ATF3: variants seen among roughly 807,000 people sequenced by gnomAD.
The protein encoded by ATF3 is activating transcription factor 3.
ATF3 carries 10 observed loss-of-function variants against 18.4 expected under a neutral mutation model. That is an observed-to-expected ratio of 0.54 (90% CI 0.34 to 0.92). ATF3 has a LOEUF of 0.92. ATF3 is among the 40% of genes least tolerant of loss of function. The pLI is 0.02. For missense variants in ATF3, 183 were observed against 222.3 expected (o/e 0.82, Z 1.12); for synonymous variants, 78 against 87.9 (o/e 0.89, Z 0.63).
At chr1:212,583,958 A>G (rs1047703145) in intron 1 of ATF3, among the ~76,000 whole-genome samples, 2 of 152,196 alleles carry the variant, frequency 1.3e-5, no homozygotes, top group Admixed American at 1.3e-4. Flanking sequence ...CCACAGATAC[A>G]GTGATGACCA....
chr1:212,599,709 A>G (rs1208313295), intron 1 of ATF3, among the ~76,000 whole-genome samples: 1 of 152,158 alleles, frequency 6.6e-6, no homozygotes, highest in Non-Finnish European at 1.5e-5. Flanking sequence ...ACTGCCTACA[A>G]TACCCAATCA....
chr1:212,617,356 A>T (rs971493672), intron 2 of ATF3, among the ~76,000 whole-genome samples: 4 of 152,250 alleles, frequency 2.6e-5, no homozygotes, highest in African/African-American at 9.6e-5. Context: ...GCTTCTGGCG[A>T]TGCCATAGTG....
intron 1 of ATF3, among the ~76,000 whole-genome samples, chr1:212,592,904 A>T (rs545524034): frequency 6.1e-4 from 93 of 152,310 alleles, no homozygotes; most frequent in Non-Finnish European, 1.1e-3. Flanking sequence ...TTCTAGAACT[A>T]GAAATACCAT....
rs1266385499 is a variant in ATF3, at chr1:212,615,217, A to G, written c.196A>G (p.Thr66Ala). 2 of 1,613,976 alleles carry G rather than the reference A, an allele frequency of 1.2e-6. No individual in the cohort carries two copies. Among genetic ancestry groups the G allele is most frequent in the African/African-American group, 1.3e-5 (1 of 74,886 alleles). The change falls in exon 2 of 4, where the codon ACT becomes GCT. Residue 66 changes from threonine to alanine, a missense_variant. Coordinates refer to ENST00000341491, the MANE Select transcript of ATF3 (RefSeq NM_001674.4). ...HRMSSALESV[T>A]VSDRPLGVSI... ...GATGTCCTCTGCGCTGGAATCAGTC[A>G]CTGTCAGCGACAGACCCCTCGGGGT...
At chr1:212,575,232 T>A (rs1238927009) in intron 1 of ATF3, among the ~76,000 whole-genome samples, 1 of 152,134 alleles carries the variant, frequency 6.6e-6, no homozygotes, top group Admixed American at 6.5e-5. Context: ...TCAATAATAC[T>A]TTCATAGTTT....
intron 1 of ATF3, among the ~76,000 whole-genome samples, chr1:212,588,755 G>A (rs1325826189): frequency 6.6e-6 from 1 of 152,064 alleles, no homozygotes; most frequent in African/African-American, 2.4e-5. Context: ...AATCATGTGT[G>A]TATACTGCTC....
chr1:212,580,019 T>C (rs1664651696), intron 1 of ATF3, among the ~76,000 whole-genome samples: 1 of 149,680 alleles, frequency 6.7e-6, no homozygotes, highest in African/African-American at 2.4e-5. Context: ...TGGTGCTGTG[T>C]GCCTGTAATC....
chr1:212,590,027 A>G (rs1664852616), intron 1 of ATF3, among the ~76,000 whole-genome samples: 1 of 152,164 alleles, frequency 6.6e-6, no homozygotes, highest in South Asian at 2.1e-4. Flanking sequence ...TATAGGATGT[A>G]CTTAAGCAGT....
chr1:212,566,048 G>A (rs1307051180), intron 1 of ATF3, among the ~76,000 whole-genome samples: 2 of 152,202 alleles, frequency 1.3e-5, no homozygotes, highest in Non-Finnish European at 2.9e-5. Flanking sequence ...TATGGGGAGA[G>A]CTGGTTCTTC....
At chr1:212,569,002 T>A (rs913454905) in intron 1 of ATF3, among the ~76,000 whole-genome samples, 2 of 152,234 alleles carry the variant, frequency 1.3e-5, no homozygotes, top group Non-Finnish European at 2.9e-5. Context: ...ATAGGGTTTT[T>A]AAGTTAGTAG....
chr1:212,619,001 G>A lies in ATF3; in HGVS notation c.349-357G>A. 6.2e-7 allele frequency: 1 copy of A among 1,612,980 alleles called. No individual in the cohort carries two copies. The highest frequency in any genetic ancestry group is 1.3e-5 in the African/African-American group (1 of 74,994). The stretch of plus-strand genomic sequence containing the variant: ...AGATGAGCTTCTCATTGAGATCTGT[G>A]ACTCAGAATCGACTAAGCCACCATA... On this transcript the variant is annotated intron_variant, in intron 3 of 3. Transcript: ENST00000341491. This position sits in a 1 kb window ranked among gnomAD's most constrained non-coding sequence, Gnocchi z 4.4.
chr1:212,611,272 G>A (rs1364810591), intron 1 of ATF3, among the ~76,000 whole-genome samples: 1 of 152,266 alleles, frequency 6.6e-6, no homozygotes, highest in Non-Finnish European at 1.5e-5. Flanking sequence ...GGCTCTGACT[G>A]ACCTGAATGT....
intron 1 of ATF3, among the ~76,000 whole-genome samples, chr1:212,588,227 G>GA (rs1189901116): frequency 1.3e-5 from 2 of 152,100 alleles, no homozygotes; most frequent in African/African-American, 4.8e-5. Context: ...TGGATTGGAT[G>GA]AAAACAAGGG....
intron 1 of ATF3, among the ~76,000 whole-genome samples, chr1:212,597,726 C>T (rs969011115): frequency 6.6e-6 from 1 of 152,176 alleles, no homozygotes; most frequent in East Asian, 1.9e-4. Flanking sequence ...AACCTTGGCC[C>T]GAGTGTTGTT....
At chr1:212,603,447 C>G (rs183352133) in intron 1 of ATF3, among the ~76,000 whole-genome samples, 1 of 152,296 alleles carries the variant, frequency 6.6e-6, no homozygotes, top group East Asian at 1.9e-4. Flanking sequence ...GGGGGTCCTT[C>G]CATCTTCCAC....
intron 1 of ATF3, among the ~76,000 whole-genome samples, chr1:212,614,374 G>T (rs775874208): frequency 6.6e-6 from 1 of 152,070 alleles, no homozygotes; most frequent in Non-Finnish European, 1.5e-5. Context: ...CCAAAGACTG[G>T]GGTGAAGAAA....
Position 212,618,286 on chromosome 1 carries a change from G to A in ATF3, c.348+52G>A, listed in dbSNP as rs1287708318. 6.5e-7 allele frequency: 1 copy of A among 1,544,760 alleles called. No homozygotes were observed. The highest frequency in any genetic ancestry group is 1.1e-5 in the South Asian group (1 of 89,640). ...CTCTCGCTCACGCCTGTCTTCACCA[G>A]CTTCATGTGGCTATCAGAAGAAGAG... On this transcript the variant is annotated intron_variant, in intron 3 of 3. Coordinates refer to ENST00000341491, the MANE Select transcript of ATF3 (RefSeq NM_001674.4). This position sits in a 1 kb window ranked among gnomAD's most constrained non-coding sequence, Gnocchi z 4.4.
intron 1 of ATF3, among the ~76,000 whole-genome samples, chr1:212,574,496 G>A (rs1330237672): frequency 2.0e-5 from 3 of 151,654 alleles, no homozygotes; most frequent in African/African-American, 4.8e-5. Context: ...TTTTGTTTGT[G>A]TTGTCTTTTT....
At chr1:212,609,877 CAG>C (rs144077057) in intron 1 of ATF3, among the ~76,000 whole-genome samples, 1,767 of 152,324 alleles carry the variant, frequency 0.012, 37 homozygotes, top group African/African-American at 0.04. Flanking sequence ...GGCACATGGG[CAG>C]TACCGGCCCC....
Sources: allele counts gnomAD v4.1 joint callset (sites outside exome capture counted in the v4.1 genomes callset), GRCh38; gene constraint gnomAD v4.1.1; non-coding constraint Gnocchi (gnomAD v3.1); transcripts MANE v1.5; gene names NCBI Gene and HGNC (gene_info 2026-07-23, HGNC 2026-07-21).